KIF1A: variants seen among roughly 807,000 people sequenced by gnomAD.
KIF1A encodes the protein kinesin family member 1A, also known as kinesin-like protein KIF1A.
A neutral mutation model predicts 227.3 loss-of-function variants in KIF1A; 46 were observed. That is an observed-to-expected ratio of 0.20 (90% confidence interval 0.16 to 0.26). KIF1A has a LOEUF of 0.26. Among genes scored for constraint, KIF1A ranks in the 10% least tolerant of loss-of-function variants. KIF1A has a pLI of 1.00. For missense variants in KIF1A, 1,683 were observed against 2,485.9 expected (o/e 0.68, Z 6.87); for synonymous variants, 1,022 against 1,012.8 (o/e 1.01, Z -0.17).
At chr2:240,761,476 G>T in intron 23 of KIF1A, 99 bp from the exon 24 acceptor site, 1 of 1,181,498 alleles carries the variant, frequency 8.5e-7, no homozygotes, top group Non-Finnish European at 1.1e-6. Context: ...CACTCCATGG[G>T]GCTGCCTAAG....
At position 240,782,757 on chromosome 2, in the gene KIF1A, C is replaced by A. The variant is rs187923456; in HGVS notation, c.865-150G>T. 16,507 of 865,990 alleles carry A rather than the reference C, an allele frequency of 0.019. 210 individuals are homozygous for A. The highest frequency in any genetic ancestry group is 0.029 in the South Asian group (1,833 of 62,896). The allele number at this position is 865,990 out of a possible 1,614,324, so 53.6% of individuals were successfully genotyped here. A position where few individuals can be genotyped will look rare whatever the true frequency, so the allele number is the denominator to read the frequency against. ...TCTCCTAGACAGCAGCTCCCCCAGG[C>A]AGGGTCCCTCCAGGGCCGCCCTTCC... On this transcript the variant is annotated intron_variant, in intron 9 of 48. Transcript: ENST00000498729.
At chr2:240,814,646 G>C (rs746761980) in intron 1 of KIF1A, among the ~76,000 whole-genome samples, 3 of 152,212 alleles carry the variant, frequency 2.0e-5, no homozygotes, top group African/African-American at 4.8e-5. Context: ...AAATAAAAAG[G>C]CTGGGCGCGG....
chr2:240,737,916 G>A (rs147896759), intron 37 of KIF1A, among the ~76,000 whole-genome samples: 5 of 152,338 alleles, frequency 3.3e-5, no homozygotes, highest in Non-Finnish European at 7.3e-5. Context: ...CCCAGGACAC[G>A]CTAGGATTTT....
chr2:240,812,931 AC>A (rs2058029873), intron 1 of KIF1A, among the ~76,000 whole-genome samples: 4 of 141,102 alleles, frequency 2.8e-5, no homozygotes, highest in African/African-American at 8.2e-5. Flanking sequence ...ATCAGCCTTC[AC>A]CTCGGGGATC....
chr2:240,741,761 C>T (rs547879088), intron 34 of KIF1A, among the ~76,000 whole-genome samples: 2 of 152,298 alleles, frequency 1.3e-5, no homozygotes, highest in South Asian at 2.1e-4. Context: ...AGGCCCATTG[C>T]CTACACCACA....
intron 1 of KIF1A, among the ~76,000 whole-genome samples, chr2:240,809,103 C>A (rs537878107): frequency 6.6e-6 from 1 of 152,190 alleles, no homozygotes; most frequent in Non-Finnish European, 1.5e-5. Context: ...AAATGGAGAA[C>A]TATAACTTAT....
At chr2:240,728,320 G>C in intron 38 of KIF1A, 1 of 1,004,374 alleles carries the variant, frequency 1.0e-6, no homozygotes, top group Non-Finnish European at 1.4e-6. Flanking sequence ...CAGACGCCGA[G>C]GAGAAAGGAA....
rs371859121 is a variant in KIF1A at position 240,761,307 on chromosome 2, C to A, written c.2187G>T (p.Thr729=). Residue 729 remains threonine, a synonymous_variant, in exon 24 of 49, where the codon ACG becomes ACT. Coordinates refer to ENST00000498729, the MANE Select transcript of KIF1A (RefSeq NM_001244008.2). ...TGCCCCACAGCAGGTCCCGCAGAGA[C>A]GTGAACTGGTACCACTTCCACTTCC... is the stretch of plus-strand genomic sequence containing the variant. The part of the protein sequence containing the change: ...AFRKWKWYQF[T]SLRDLLWGNA... 1 of 1,613,740 alleles carries A rather than the reference C, an allele frequency of 6.2e-7. No homozygotes were observed. The highest frequency in any genetic ancestry group is 1.7e-5 in the Admixed American group (1 of 60,012).
intron 38 of KIF1A, among the ~76,000 whole-genome samples, chr2:240,727,725 G>T (rs1002710106): frequency 1.3e-5 from 2 of 152,190 alleles, no homozygotes; most frequent in Non-Finnish European, 2.9e-5. Context: ...GTGGCTCAGG[G>T]CCAGCCCCAG....
rs1049899814 is a variant in KIF1A at position 240,809,345 on chromosome 2, G to T, written c.-61+10777C>A. On this transcript the variant is annotated intron_variant, in intron 1 of 48. Coordinates refer to ENST00000498729, the MANE Select transcript of KIF1A (RefSeq NM_001244008.2). ...ACACGCCCTATGATCTCGAGCCTTG[G>T]TAGAAAGCCCTGGCATGAAGTCGGG... Among the ~76,000 whole-genome samples, 7 of 152,194 alleles carry T rather than the reference G, an allele frequency of 4.6e-5. 1 individual carries two copies. Among genetic ancestry groups the T allele is most frequent in the Admixed American group, 3.3e-4 (5 of 15,286 alleles).
rs1358301897 is a variant in KIF1A, at chr2:240,723,574, G to A, written c.4319-16C>T. 4.6e-6 allele frequency: 7 copies of A among 1,525,788 alleles called. No individual in the cohort carries two copies. The highest frequency in any genetic ancestry group is 1.4e-5 in the African/African-American group (1 of 72,716). 94.5% of individuals were successfully genotyped at this position (1,525,788 alleles called of 1,614,324 possible). ...CGCTGCATCCCTGCATGGGGCACGT[G>A]GACATTCCACCCCTACCTGATGGGT... On this transcript the variant is annotated splice_polypyrimidine_tract_variant and intron_variant, in intron 41 of 48. Coordinates refer to ENST00000498729, the MANE Select transcript of KIF1A (RefSeq NM_001244008.2).
chr2:240,726,185 T>C lies in KIF1A; in HGVS notation c.4122+641A>G, dbSNP rs1420035141. ...TATGTACTGCAGACTCTGGGGGTGCTGTGGGGATGGAACACTTCTGTTTTT... is the reference window on the plus strand; with the variant it reads ...TATGTACTGCAGACTCTGGGGGTGCCGTGGGGATGGAACACTTCTGTTTTT... On this transcript the variant is annotated intron_variant, in intron 39 of 48. Transcript: ENST00000498729. The surrounding 1 kb of genome is among the most constrained non-coding windows in gnomAD (Gnocchi z 5.2). Among the ~76,000 whole-genome samples, 2 of 152,220 alleles carry C rather than the reference T, an allele frequency of 1.3e-5. No individual in the cohort carries two copies. The highest frequency in any genetic ancestry group is 4.8e-5 in the African/African-American group (2 of 41,448).
intron 33 of KIF1A, among the ~76,000 whole-genome samples, chr2:240,743,465 G>A (rs1052554519): frequency 6.6e-6 from 1 of 152,208 alleles, no homozygotes; most frequent in African/African-American, 2.4e-5. Context: ...GTCTGGGTGA[G>A]ATGGCCTGAG....
In KIF1A at chr2:240,725,726, C is replaced by G; in HGVS notation, c.4123-322G>C. ...GCCTCACCATAAAATTGGGGTGACC[C>G]CTCCCCGACCCTGGAATGTCTGTGA... On this transcript the variant is annotated intron_variant, in intron 39 of 48. Coordinates refer to ENST00000498729, the MANE Select transcript of KIF1A (RefSeq NM_001244008.2). This position sits in a 1 kb window ranked among gnomAD's most constrained non-coding sequence, Gnocchi z 5.8. 3.5e-6 allele frequency: 1 copy of G among 286,552 alleles called. No homozygotes were observed. The allele number at this position is 286,552 out of a possible 1,614,324, so 17.8% of individuals were successfully genotyped here. A position where few individuals can be genotyped will look rare whatever the true frequency, so the allele number is the denominator to read the frequency against.
chr2:240,816,183 T>A (rs564599846), intron 1 of KIF1A, among the ~76,000 whole-genome samples: 14 of 151,692 alleles, frequency 9.2e-5, no homozygotes, highest in Non-Finnish European at 1.3e-4. Context: ...TCTGCATGCA[T>A]GCATGTGTGT....
intron 42 of KIF1A, among the ~76,000 whole-genome samples, 166 bp from the exon 43 acceptor site, chr2:240,722,822 G>A (rs1263655413): frequency 6.6e-6 from 1 of 152,108 alleles, no homozygotes; most frequent in Non-Finnish European, 1.5e-5. Context: ...TGAGGGAACA[G>A]ACCCTGGCGC....
In KIF1A at chr2:240,758,578, A is replaced by T; in HGVS notation, c.2445-81T>A. The T allele has an allele frequency of 7.2e-7, 1 of 1,391,688 alleles. No homozygotes were observed. Among genetic ancestry groups the T allele is most frequent in the Non-Finnish European group, 9.4e-7 (1 of 1,058,940 alleles). 86.2% of individuals were successfully genotyped at this position (1,391,688 alleles called of 1,614,324 possible). On this transcript the variant is annotated intron_variant, in intron 25 of 48. Coordinates refer to ENST00000498729, the MANE Select transcript of KIF1A (RefSeq NM_001244008.2). This position sits in a 1 kb window ranked among gnomAD's most constrained non-coding sequence, Gnocchi z 5.2. ...CCGCACACCCTTATCTCCTGGGGAC[A>T]GTGGGCTCAGCCTAGCTCTGGCCAC...
chr2:240,773,391 A>G, intron 12 of KIF1A, 135 bp from the exon 13 acceptor site: 3 of 1,020,680 alleles, frequency 2.9e-6, no homozygotes, highest in Admixed American at 5.1e-5. Context: ...CTGAGCCAGC[A>G]CAGCCTGGCA....
chr2:240,782,557 G>GCACCTGCCC, intron 10 of KIF1A, 33 bp downstream of exon 10: 1 of 1,550,142 alleles, frequency 6.5e-7, no homozygotes, highest in Non-Finnish European at 8.7e-7. Flanking sequence ...CCAGCCTCCC[G>GCACCTGCCC]CACCTGCCCC....
Sources: allele counts gnomAD v4.1 joint callset (sites outside exome capture counted in the v4.1 genomes callset), GRCh38; gene constraint gnomAD v4.1.1; non-coding constraint Gnocchi (gnomAD v3.1); transcripts MANE v1.5; gene names NCBI Gene and HGNC (gene_info 2026-07-23, HGNC 2026-07-21).